EYS: variants seen among roughly 807,000 people sequenced by gnomAD.
EYS encodes protein eyes shut homolog.
Under a neutral mutation model 282.1 loss-of-function variants are expected in EYS, and 250 were observed. The ratio of observed to expected loss-of-function variants is 0.89; its 90% CI spans 0.80 to 0.98. The LOEUF (loss-of-function observed/expected upper bound fraction) is 0.98. Ranked by LOEUF, EYS falls within the 50% of genes least tolerant of loss-of-function variation. The probability of loss-of-function intolerance (pLI) is 0.00; values close to 1 mark genes in which losing one functional copy is unlikely to be tolerated. For synonymous variants in EYS, 1,355 were observed against 1,282.9 expected (o/e 1.06, Z -1.20); for missense variants, 4,016 against 3,709.0 (o/e 1.08, Z -2.15).
chr6:65,151,694 T>C (rs945529819), intron 12 of EYS, among the ~76,000 whole-genome samples: 2 of 152,036 alleles, frequency 1.3e-5, no homozygotes, highest in Non-Finnish European at 2.9e-5. Context: ...CAAACACATA[T>C]ATATGCATTT....
At chr6:64,995,636 T>G (rs1309343689) in intron 14 of EYS, among the ~76,000 whole-genome samples, 1 of 152,112 alleles carries the variant, frequency 6.6e-6, no homozygotes, top group Non-Finnish European at 1.5e-5. Context: ...ATTTCAATAG[T>G]CTCCTTATGT....
chr6:63,904,331 C>CT (rs144540808), intron 35 of EYS, among the ~76,000 whole-genome samples: 3 of 151,660 alleles, frequency 2.0e-5, no homozygotes, highest in East Asian at 1.9e-4. Flanking sequence ...CTTACCCAAC[C>CT]TTTTTTTTTC....
At chr6:64,321,112 T>G (rs578255031) in intron 29 of EYS, among the ~76,000 whole-genome samples, 112 of 151,890 alleles carry the variant, frequency 7.4e-4, no homozygotes, top group African/African-American at 2.6e-3. Flanking sequence ...CTTTTAAATT[T>G]AACACATTTT....
In EYS at chr6:64,815,606, G is replaced by C. The variant is rs181515395; in HGVS notation, c.3244-2029C>G. 2.2e-3 allele frequency among the ~76,000 whole-genome samples: 341 copies of C among 152,008 alleles called. 6 individuals are homozygous for C. Among genetic ancestry groups the C allele is most frequent in the African/African-American group, 7.7e-3 (319 of 41,508 alleles). ...TTAAAAATTTAAAAGGATGCCTTTC[G>C]TTTTGTTCATCATTTATATTGCTTT... On this transcript the variant is annotated intron_variant, in intron 21 of 42. Coordinates refer to ENST00000503581, the MANE Select transcript of EYS (RefSeq NM_001142800.2).
intron 31 of EYS, among the ~76,000 whole-genome samples, chr6:64,204,216 T>C (rs1765553441): frequency 1.3e-5 from 2 of 152,208 alleles, no homozygotes; most frequent in African/African-American, 4.8e-5. Flanking sequence ...CATGTTGACA[T>C]TGCAGGTCAT....
chr6:64,377,505 T>C (rs893781128), intron 29 of EYS, among the ~76,000 whole-genome samples: 1 of 152,116 alleles, frequency 6.6e-6, no homozygotes, highest in Non-Finnish European at 1.5e-5. Context: ...CCATTCAGCC[T>C]CTCTGTGCCT....
At position 64,441,116 on chromosome 6, in the gene EYS, G is replaced by A. The variant is rs1391710025; in HGVS notation, c.5645-1764C>T. Among the ~76,000 whole-genome samples the A allele has an allele frequency of 3.3e-5, 5 of 152,104 alleles. No homozygotes were observed. In the East Asian group the frequency reaches 9.6e-4, roughly 29 times the overall value. On this transcript the variant is annotated intron_variant, in intron 26 of 42. Transcript: ENST00000503581. ...CCAAAGAAATTCACAGTTTACAAGT[G>A]AAAAACTTGTTTTAAGAAGGGACAA...
At chr6:65,018,176 A>T (rs1476219167) in intron 13 of EYS, among the ~76,000 whole-genome samples, 3 of 152,218 alleles carry the variant, frequency 2.0e-5, no homozygotes, top group Non-Finnish European at 1.5e-5. Context: ...ATGCTAGGGC[A>T]ACCATATCAA....
intron 9 of EYS, 29 bp from the exon 10 acceptor site, chr6:65,344,206 A>G (rs757909093): frequency 1.9e-6 from 3 of 1,548,042 alleles, no homozygotes; most frequent in East Asian, 2.3e-5. Flanking sequence ...AAAAAATTAA[A>G]TAAACTCTTA....
At chr6:63,995,232 A>C (rs1178269901) in intron 34 of EYS, among the ~76,000 whole-genome samples, 1 of 152,056 alleles carries the variant, frequency 6.6e-6, no homozygotes, top group African/African-American at 2.4e-5. Context: ...TGATTAAAAA[A>C]TAGGCAAAAG....
At chr6:64,668,005 A>T (rs973562626) in intron 22 of EYS, among the ~76,000 whole-genome samples, 1 of 152,188 alleles carries the variant, frequency 6.6e-6, no homozygotes, top group Non-Finnish European at 1.5e-5. Context: ...CAGTGAGTCT[A>T]CAGTTGGGCG....
At chr6:65,359,543 T>C (rs1333661527) in intron 8 of EYS, among the ~76,000 whole-genome samples, 1 of 152,024 alleles carries the variant, frequency 6.6e-6, no homozygotes, top group Non-Finnish European at 1.5e-5. Context: ...TTAAGCATTG[T>C]AAACTTCTCT....
intron 22 of EYS, among the ~76,000 whole-genome samples, chr6:64,685,225 T>C (rs7765296): frequency 1.5e-3 from 223 of 152,284 alleles, no homozygotes; most frequent in African/African-American, 4.8e-3. Flanking sequence ...CAGAAAAATA[T>C]ATTAATCCTA....
At chr6:64,327,642 T>TGA (rs902610386) in intron 29 of EYS, among the ~76,000 whole-genome samples, 2 of 152,112 alleles carry the variant, frequency 1.3e-5, no homozygotes, top group African/African-American at 4.8e-5. Flanking sequence ...AGGCCTGCTT[T>TGA]GAGACCTACT....
chr6:64,094,918 G>A (rs1049422654), intron 31 of EYS, among the ~76,000 whole-genome samples: 11 of 152,026 alleles, frequency 7.2e-5, no homozygotes, highest in South Asian at 6.2e-4. Context: ...TCTACACACT[G>A]CGTTGAATGT....
chr6:64,551,792 A>C (rs143897650), intron 26 of EYS, among the ~76,000 whole-genome samples: 2,350 of 152,194 alleles, frequency 0.015, 54 homozygotes, highest in African/African-American at 0.055. Context: ...ACTAACTTCC[A>C]CAGTGGTTGA....
intron 2 of EYS, among the ~76,000 whole-genome samples, chr6:65,631,302 G>A (rs941526339): frequency 9.2e-5 from 14 of 152,086 alleles, no homozygotes; most frequent in East Asian, 7.7e-4. Context: ...GTTTCAGTCC[G>A]TGAGGTGGGG....
chr6:64,174,033 C>T (rs1319760946), intron 31 of EYS, among the ~76,000 whole-genome samples: 1 of 152,074 alleles, frequency 6.6e-6, no homozygotes, highest in Non-Finnish European at 1.5e-5. Flanking sequence ...ATGGGTGAAC[C>T]TGGAGGACTA....
rs377415056 is a variant in EYS, at chr6:65,628,227, C to T, written c.-333+11551G>A. On this transcript the variant is annotated intron_variant, in intron 2 of 42. Coordinates refer to ENST00000503581, the MANE Select transcript of EYS (RefSeq NM_001142800.2). The stretch of plus-strand genomic sequence containing the variant: ...GCTCAAGGTTTGTGAGTGCACCAAT[C>T]GACACTCCGTATCTAGCTGCTCTGG... Among the ~76,000 whole-genome samples, 18 of 151,722 alleles carry T rather than the reference C, an allele frequency of 1.2e-4. No individual in the cohort carries two copies. The South Asian group carries it at 1.3e-3, about 11-fold the overall frequency.
Sources: allele counts gnomAD v4.1 joint callset (sites outside exome capture counted in the v4.1 genomes callset), GRCh38; gene constraint gnomAD v4.1.1; transcripts MANE v1.5; gene names NCBI Gene and HGNC (gene_info 2026-07-23, HGNC 2026-07-21).